The following FSTL5 variants were observed in gnomAD, a reference collection of about 807,000 sequenced individuals.
The protein encoded by FSTL5 is follistatin-related protein 5.
FSTL5 carries 62 observed loss-of-function variants against 89.1 expected under a neutral mutation model. The ratio of observed to expected loss-of-function variants is 0.70; its 90% confidence interval spans 0.57 to 0.86. The LOEUF (loss-of-function observed/expected upper bound fraction) is 0.86. Ranked by LOEUF, FSTL5 falls within the 40% of genes least tolerant of loss-of-function variation. FSTL5 has a pLI of 0.00. For synonymous variants in FSTL5, 383 were observed against 346.2 expected (o/e 1.11, Z -1.18); for missense variants, 1,057 against 1,001.6 (o/e 1.06, Z -0.75).
intron 15 of FSTL5, among the ~76,000 whole-genome samples, chr4:161,423,871 A>AT (rs1325321770): frequency 6.7e-6 from 1 of 149,968 alleles, no homozygotes; most frequent in Non-Finnish European, 1.5e-5. Context: ...ATTTTATTTT[A>AT]TTTTTTGAGA....
At chr4:161,584,953 T>C (rs970434424) in intron 8 of FSTL5, among the ~76,000 whole-genome samples, 2 of 152,180 alleles carry the variant, frequency 1.3e-5, no homozygotes, top group African/African-American at 2.4e-5. Flanking sequence ...GCATTAGAGT[T>C]CAGCACAAGC....
intron 6 of FSTL5, among the ~76,000 whole-genome samples, chr4:161,701,723 A>G (rs946425248): frequency 1.3e-5 from 2 of 152,160 alleles, no homozygotes; most frequent in Admixed American, 1.3e-4. Context: ...TCAAAAGTAC[A>G]TGTAGTTAGA....
At chr4:161,563,787 T>C (rs1201841140) in intron 8 of FSTL5, among the ~76,000 whole-genome samples, 1 of 151,966 alleles carries the variant, frequency 6.6e-6, no homozygotes, top group Non-Finnish European at 1.5e-5. Flanking sequence ...TTTGGAAAAG[T>C]TATTGTATAA....
chr4:161,934,765 A>G (rs1057057577), intron 3 of FSTL5, among the ~76,000 whole-genome samples: 6 of 152,128 alleles, frequency 3.9e-5, no homozygotes, highest in South Asian at 4.1e-4. Flanking sequence ...AGACATTATG[A>G]CAGACTATAA....
chr4:161,928,637 A>G (rs745991259), intron 3 of FSTL5, among the ~76,000 whole-genome samples: 4 of 151,674 alleles, frequency 2.6e-5, no homozygotes, highest in Non-Finnish European at 4.4e-5. Context: ...GGTATCTTGA[A>G]GTTTTAATTT....
chr4:161,731,551 G>A (rs1419681285), intron 6 of FSTL5, among the ~76,000 whole-genome samples: 1 of 151,898 alleles, frequency 6.6e-6, no homozygotes, highest in East Asian at 1.9e-4. Flanking sequence ...ATGATTGTAA[G>A]TTTCCTGAGG....
chr4:162,160,734 G>C (rs1374552707), intron 1 of FSTL5, among the ~76,000 whole-genome samples: 1 of 150,508 alleles, frequency 6.6e-6, no homozygotes, highest in Non-Finnish European at 1.5e-5. Flanking sequence ...TATTTTAAAA[G>C]GTATTTTTAT....
At chr4:161,903,512 A>G (rs752128629) in intron 4 of FSTL5, among the ~76,000 whole-genome samples, 10 of 151,944 alleles carry the variant, frequency 6.6e-5, no homozygotes, top group Non-Finnish European at 1.0e-4. Flanking sequence ...TATTATAATT[A>G]TATTGGAATT....
chr4:161,515,950 T>A (rs1730808631), intron 10 of FSTL5, among the ~76,000 whole-genome samples: 1 of 151,876 alleles, frequency 6.6e-6, no homozygotes, highest in Admixed American at 6.6e-5. Context: ...AAAAGATTGT[T>A]ACCAGCACCA....
chr4:162,048,692 T>C (rs1162706816), intron 2 of FSTL5, among the ~76,000 whole-genome samples: 1 of 152,084 alleles, frequency 6.6e-6, no homozygotes, highest in African/African-American at 2.4e-5. Flanking sequence ...TGATTTCAAG[T>C]AGAATAAAGT....
chr4:162,073,174 C>T (rs1428743331), intron 2 of FSTL5, among the ~76,000 whole-genome samples: 2 of 151,548 alleles, frequency 1.3e-5, no homozygotes, highest in Non-Finnish European at 3.0e-5. Context: ...TATAAACATA[C>T]ATATTAACAT....
At chr4:162,088,936 T>C (rs959110621) in intron 2 of FSTL5, among the ~76,000 whole-genome samples, 3 of 152,150 alleles carry the variant, frequency 2.0e-5, no homozygotes, top group African/African-American at 7.2e-5. Context: ...AAAGCATGTG[T>C]AGGATACTTG....
intron 3 of FSTL5, among the ~76,000 whole-genome samples, chr4:161,929,301 C>T (rs1455265201): frequency 1.3e-5 from 2 of 151,000 alleles, no homozygotes; most frequent in African/African-American, 4.9e-5. Flanking sequence ...TTTCTGGGCC[C>T]TCTACTCTGT....
chr4:161,841,240 C>A (rs149067425), intron 4 of FSTL5, among the ~76,000 whole-genome samples: 1 of 152,244 alleles, frequency 6.6e-6, no homozygotes, highest in African/African-American at 2.4e-5. Context: ...GATTGATTCA[C>A]CTCTTTCATT....
intron 2 of FSTL5, among the ~76,000 whole-genome samples, chr4:162,084,130 T>G (rs972116496): frequency 6.6e-6 from 1 of 151,898 alleles, no homozygotes; most frequent in Non-Finnish European, 1.5e-5. Flanking sequence ...TTGTAGCCCT[T>G]TTGCTAGAAT....
chr4:161,704,856 C>T (rs1241190397), intron 6 of FSTL5, among the ~76,000 whole-genome samples: 1 of 152,076 alleles, frequency 6.6e-6, no homozygotes, highest in Non-Finnish European at 1.5e-5. Context: ...TCATTACGAG[C>T]CACTAGAGGT....
At chr4:161,454,246 C>A (rs1023643791) in intron 15 of FSTL5, among the ~76,000 whole-genome samples, 1 of 152,096 alleles carries the variant, frequency 6.6e-6, no homozygotes, top group Admixed American at 6.6e-5. Flanking sequence ...AGGACAAAAT[C>A]TTTGTTTCAG....
At chr4:161,973,007 T>C (rs1163805618) in intron 3 of FSTL5, among the ~76,000 whole-genome samples, 3 of 152,192 alleles carry the variant, frequency 2.0e-5, no homozygotes, top group African/African-American at 7.2e-5. Context: ...CATTGATTCT[T>C]AGGAATTGGT....
intron 1 of FSTL5, among the ~76,000 whole-genome samples, chr4:162,137,627 G>C (rs1732568621): frequency 6.6e-6 from 1 of 152,066 alleles, no homozygotes; most frequent in African/African-American, 2.4e-5. Flanking sequence ...GATTGAATAA[G>C]TTGTCCTTCT....
Sources: gnomAD v4.1 joint callset for allele counts (sites outside exome capture counted in the v4.1 genomes callset) on GRCh38, gnomAD v4.1.1 for gene constraint, MANE v1.5 for transcripts, NCBI Gene and HGNC (gene_info 2026-07-23, HGNC 2026-07-21) for gene names.